NEB: variants seen among roughly 807,000 people sequenced by gnomAD.
NEB encodes nemaline myopathy type 2.
Under a neutral mutation model 952.2 loss-of-function variants are expected in NEB, and 512 were observed. That is an observed-to-expected ratio of 0.54 (90% CI 0.50 to 0.58). The LOEUF (loss-of-function observed/expected upper bound fraction) is 0.58. Among genes scored for constraint, NEB ranks in the 20% least tolerant of loss-of-function variants. The pLI is 0.00. For missense variants in NEB, 8,428 were observed against 9,231.1 expected, an observed-to-expected ratio of 0.91 and a Z score of 3.56; for synonymous variants, 2,900 against 3,149.8, an observed-to-expected ratio of 0.92 and a Z score of 2.66.
rs144873265 is a variant in NEB at position 151,625,322 on chromosome 2, GTGTC to G, written c.10452+208_10452+211del. Among the ~76,000 whole-genome samples, 1,068 of 152,072 alleles carry G rather than the reference GTGTC, an allele frequency of 7.0e-3. 13 individuals carry two copies. Among genetic ancestry groups the G allele is most frequent in the African/African-American group, 0.023 (937 of 41,468 alleles). On this transcript the variant is annotated intron_variant, in intron 71 of 181. Coordinates refer to ENST00000397345, the MANE Select transcript of NEB (RefSeq NM_001164508.2). ...TCCCTCCTGAAATGAAGATATTTTTGTGTCTGTCTGTCTATCTGTCTGTCTAATC... is the reference window on the plus strand; with the variant it reads ...TCCCTCCTGAAATGAAGATATTTTTGTGTCTGTCTATCTGTCTGTCTAATC...
intron 13 of NEB, among the ~76,000 whole-genome samples, chr2:151,701,405 T>C (rs1255018285): frequency 6.6e-6 from 1 of 150,470 alleles, no homozygotes; most frequent in Non-Finnish European, 1.5e-5. Context: ...GGATTCCCTC[T>C]TTTTCTATTG....
chr2:151,626,737 C>T (rs889646477), intron 70 of NEB, among the ~76,000 whole-genome samples: 3 of 152,042 alleles, frequency 2.0e-5, no homozygotes, highest in Admixed American at 6.6e-5. Flanking sequence ...AGGGTTTCAC[C>T]GTGGTCTCGA....
chr2:151,661,993 TAACGA>T, intron 46 of NEB, 137 bp downstream of exon 46: 1 of 649,260 alleles, frequency 1.5e-6, no homozygotes, highest in Non-Finnish European at 2.5e-6. Context: ...TTTTTTTTTT[TAACGA>T]CAAGACTCTT....
chr2:151,549,555 G>T (rs942576171), intron 130 of NEB, 81 bp downstream of exon 130: 8 of 906,272 alleles, frequency 8.8e-6, no homozygotes, highest in Non-Finnish European at 1.4e-5. Context: ...GAGACTGGAG[G>T]ATTAGAACAG....
intron 128 of NEB, among the ~76,000 whole-genome samples, chr2:151,552,119 T>C (rs146484052): frequency 0.016 from 2,387 of 152,304 alleles, 38 homozygotes; most frequent in Non-Finnish European, 0.025. Flanking sequence ...GGATCTGATA[T>C]TGACTTACCA....
chr2:151,527,099 G>A (rs2086651299), intron 147 of NEB, 77 bp from the exon 148 acceptor site: 1 of 933,902 alleles, frequency 1.1e-6, no homozygotes, highest in Non-Finnish European at 1.7e-6. Flanking sequence ...TAAACACACA[G>A]GGAGTCCTCT....
At chr2:151,521,051 A>AACC (rs1346084220) in intron 153 of NEB, among the ~76,000 whole-genome samples, 5 of 152,160 alleles carry the variant, frequency 3.3e-5, no homozygotes, top group Non-Finnish European at 7.4e-5. Context: ...GATGTTAGCC[A>AACC]ACCAAAAGGG....
chr2:151,499,621 T>G (rs774324371), intron 168 of NEB: 1 of 344,364 alleles, frequency 2.9e-6, no homozygotes, highest in Non-Finnish European at 5.3e-6. Context: ...CTTGAATATA[T>G]TTATTTCCTG....
chr2:151,627,448 A>G lies in NEB; in HGVS notation c.10143+75T>C. On this transcript the variant is annotated intron_variant, in intron 69 of 181. Transcript: ENST00000397345. ...GTCATCCCTTCTGAAGGTTCTACCT[A>G]ATGCTAGACCACTGTCTCAGTATTT... is the stretch of plus-strand genomic sequence containing the variant. The G allele has an allele frequency of 2.6e-6, 4 of 1,560,092 alleles. No individual in the cohort carries two copies. In the South Asian group the frequency reaches 4.8e-5, roughly 19 times the overall value.
Position 151,662,202 on chromosome 2 carries a change from T to G in NEB, c.5903A>C (p.Lys1968Thr), listed in dbSNP as rs759223106. ...KKYRQHPDTL[K>T]YSTLMDSMNM... Reference sequence around the variant, plus strand: ...CATCGAGTCCATGAGTGTGGAATACTTCAAAGTGTCTGGGTGCTGGCGGTA... The same window carrying G: ...CATCGAGTCCATGAGTGTGGAATACGTCAAAGTGTCTGGGTGCTGGCGGTA... The change falls in exon 46 of 182, where the codon AAG (lysine) becomes ACG (threonine). Residue 1968 changes from lysine (K) to threonine (T), a missense_variant. Around this residue, in one of 11 missense-constraint regions of NEB, gnomAD observed 2,851 missense variants for 2,791.5 expected, o/e 1.02. Transcript: ENST00000397345. 1 of 1,613,676 alleles carries G rather than the reference T, an allele frequency of 6.2e-7. No individual in the cohort carries two copies. The highest frequency in any genetic ancestry group is 8.5e-7 in the Non-Finnish European group (1 of 1,179,698).
chr2:151,563,692 G>A lies in NEB; in HGVS notation c.18607C>T (p.Gln6203Ter), dbSNP rs1327116916. ...TTTCCAGCCAGGTAGTGACCTTTCT[G>A]CTTCTCATATGTCTCTTTGTATTTA... is the stretch of plus-strand genomic sequence containing the variant. ...ELKYKETYEK[Q>*]KGHYLAGKVI... Residue 6203 changes from glutamine to a stop codon, truncating the protein, a stop_gained, in exon 119 of 182, where the codon CAG becomes TAG. Transcript: ENST00000397345. LOFTEE classifies it high-confidence loss of function. 6.2e-7 allele frequency: 1 copy of A among 1,613,636 alleles called. No individual in the cohort carries two copies. The highest frequency in any genetic ancestry group is 8.5e-7 in the Non-Finnish European group (1 of 1,179,724).
intron 10 of NEB, 129 bp from the exon 11 acceptor site, chr2:151,710,667 C>A: frequency 1.9e-6 from 1 of 534,580 alleles, no homozygotes; most frequent in Non-Finnish European, 3.2e-6. Context: ...TTAATAAATG[C>A]CTTTAAAAAA....
Position 151,694,454 on chromosome 2 carries a change from A to C in NEB, c.1783-18T>G. On this transcript the variant is annotated intron_variant, in intron 19 of 181. Coordinates refer to ENST00000397345, the MANE Select transcript of NEB (RefSeq NM_001164508.2). Reference sequence around the variant, plus strand: ...TACATCACCTGCAAAGACATCACACATGCCAGATTCCACTCAAGAGGAAAT... The same window carrying C: ...TACATCACCTGCAAAGACATCACACCTGCCAGATTCCACTCAAGAGGAAAT... The C allele has an allele frequency of 6.2e-7, 1 of 1,613,052 alleles. No homozygotes were observed. Among genetic ancestry groups the C allele is most frequent in the Non-Finnish European group, 8.5e-7 (1 of 1,179,142 alleles).
chr2:151,732,815 G>A (rs1198740826), intron 3 of NEB, among the ~76,000 whole-genome samples: 2 of 152,056 alleles, frequency 1.3e-5, no homozygotes, highest in African/African-American at 2.4e-5. Flanking sequence ...TTTGAACATC[G>A]GGGTTGGGAA....
intron 136 of NEB, 77 bp downstream of exon 136, chr2:151,541,370 C>T: frequency 9.3e-7 from 1 of 1,075,678 alleles, no homozygotes; most frequent in Non-Finnish European, 1.4e-6. Flanking sequence ...GAGTCTGCCA[C>T]TGGCCAGGTG....
intron 145 of NEB, 68 bp from the exon 146 acceptor site, chr2:151,529,382 A>G: frequency 9.6e-7 from 1 of 1,040,450 alleles, no homozygotes; most frequent in South Asian, 1.3e-5. Context: ...TTAAAAAACA[A>G]GAAATTAAAT....
Position 151,619,550 on chromosome 2 carries a change from G to A in NEB, c.10773C>T (p.Val3591=), listed in dbSNP as rs1296667427. The change falls in exon 73 of 182, where the codon GTC becomes GTT. Residue 3591 remains valine (V), a synonymous_variant. Coordinates refer to ENST00000397345, the MANE Select transcript of NEB (RefSeq NM_001164508.2). ...GAGGATGTTTATAGTCCACATCGCTGACCAAGGTCTGACACTTCTTGGCCA... is the reference window on the plus strand; with the variant it reads ...GAGGATGTTTATAGTCCACATCGCTAACCAAGGTCTGACACTTCTTGGCCA... ...IVLAKKCQTL[V]SDVDYKHPLH... The A allele has an allele frequency of 1.2e-6, 2 of 1,613,768 alleles. No homozygotes were observed. Among genetic ancestry groups the A allele is most frequent in the African/African-American group, 2.7e-5 (2 of 74,888 alleles).
At chr2:151,617,686 G>C (rs1234583306) in intron 74 of NEB, among the ~76,000 whole-genome samples, 1 of 151,626 alleles carries the variant, frequency 6.6e-6, no homozygotes, top group Non-Finnish European at 1.5e-5. Context: ...TTGGATTGAA[G>C]TATTTAAAAT....
intron 161 of NEB, among the ~76,000 whole-genome samples, chr2:151,511,255 TA>T (rs2074027838): frequency 6.6e-6 from 1 of 152,172 alleles, no homozygotes; most frequent in Non-Finnish European, 1.5e-5. Context: ...TGGTAGTTTT[TA>T]AAAAGCTAAT....
Sources: gnomAD v4.1 joint callset for allele counts (sites outside exome capture counted in the v4.1 genomes callset) on GRCh38, gnomAD v4.1.1 for gene constraint, gnomAD v4.1.1 regional missense constraint, MANE v1.5 for transcripts, NCBI Gene and HGNC (gene_info 2026-07-23, HGNC 2026-07-21) for gene names.